NEGR1: variants seen among roughly 807,000 people sequenced by gnomAD.
The protein encoded by NEGR1 is neuronal growth regulator 1.
NEGR1 carries 10 observed loss-of-function variants against 40.9 expected under a neutral mutation model. That is an observed-to-expected ratio of 0.24 (90% CI 0.15 to 0.42). NEGR1 has a LOEUF of 0.42. NEGR1 is among the 10% of genes least tolerant of loss of function. The pLI is 1.00. For missense variants in NEGR1, 352 were observed against 438.9 expected (o/e 0.80, Z 1.77); for synonymous variants, 185 against 166.8 (o/e 1.11, Z -0.84).
chr1:71,972,768 G>A (rs1160771492), intron 1 of NEGR1, among the ~76,000 whole-genome samples: 2 of 152,080 alleles, frequency 1.3e-5, no homozygotes, highest in Non-Finnish European at 2.9e-5. Context: ...TAATTTATGA[G>A]GTAGAACTGA....
At chr1:71,787,934 T>C (rs780050660) in intron 2 of NEGR1, among the ~76,000 whole-genome samples, 19 of 152,188 alleles carry the variant, frequency 1.2e-4, no homozygotes, top group Non-Finnish European at 2.2e-4. Flanking sequence ...ATCACACTAA[T>C]GTGTGGTTTC....
chr1:72,256,228 G>C (rs763484707), intron 1 of NEGR1, among the ~76,000 whole-genome samples: 2 of 152,174 alleles, frequency 1.3e-5, no homozygotes, highest in Non-Finnish European at 2.9e-5. Context: ...ACTGAAGAGA[G>C]TTCACCAGAT....
intron 1 of NEGR1, among the ~76,000 whole-genome samples, chr1:72,057,302 A>C (rs115353698): frequency 0.011 from 1,716 of 151,612 alleles, 31 homozygotes; most frequent in African/African-American, 0.039. Context: ...TTAAATCCAA[A>C]CTTAATTTTT....
chr1:71,471,207 G>T (rs562217243), intron 6 of NEGR1, among the ~76,000 whole-genome samples: 1 of 152,090 alleles, frequency 6.6e-6, no homozygotes, highest in Non-Finnish European at 1.5e-5. Flanking sequence ...GTTCATTACA[G>T]GAACACATCA....
Position 71,405,751 on chromosome 1 carries a change from A to G in NEGR1, c.*1695T>C, listed in dbSNP as rs1366854189. 3 of 151,706 alleles carry G rather than the reference A, an allele frequency of 2.0e-5. No homozygotes were observed. The highest frequency in any genetic ancestry group is 4.4e-5 in the Non-Finnish European group (3 of 67,644). The allele number at this position is 151,706 out of a possible 1,614,324, so 9.4% of individuals were successfully genotyped here. On this transcript the variant is annotated 3_prime_UTR_variant, in exon 7 of 7. Coordinates refer to ENST00000357731, the MANE Select transcript of NEGR1 (RefSeq NM_173808.3). ...GGGCAACATACTAGATATCTCAAAT[A>G]TGTATAACCACTGCAAAATTTCTTG...
At chr1:71,583,861 G>T (rs1054085694) in intron 6 of NEGR1, among the ~76,000 whole-genome samples, 1 of 152,156 alleles carries the variant, frequency 6.6e-6, no homozygotes, top group Non-Finnish European at 1.5e-5. Context: ...TAATTAAGCA[G>T]CTCCACATAT....
intron 1 of NEGR1, among the ~76,000 whole-genome samples, chr1:72,121,274 C>T (rs891360226): frequency 6.6e-6 from 1 of 151,930 alleles, no homozygotes; most frequent in African/African-American, 2.4e-5. Context: ...TATCACTGAA[C>T]ATTTTAAAAA....
intron 2 of NEGR1, among the ~76,000 whole-genome samples, chr1:71,922,433 C>T (rs988271236): frequency 6.6e-6 from 1 of 152,282 alleles, no homozygotes; most frequent in East Asian, 1.9e-4. Context: ...AAAATGAGTG[C>T]ATAATATCTT....
chr1:72,084,875 A>C (rs561079190), intron 1 of NEGR1, among the ~76,000 whole-genome samples: 1 of 152,354 alleles, frequency 6.6e-6, no homozygotes, highest in African/African-American at 2.4e-5. Context: ...AAGATTACAA[A>C]GTGATAATGC....
intron 3 of NEGR1, among the ~76,000 whole-genome samples, chr1:71,744,558 C>A (rs1215853137): frequency 6.6e-6 from 1 of 151,846 alleles, no homozygotes; most frequent in African/African-American, 2.4e-5. Context: ...ACTCAGTTCC[C>A]TTTTAAGATC....
At chr1:71,613,770 TAAC>T (rs900507009) in intron 4 of NEGR1, among the ~76,000 whole-genome samples, 15 of 152,126 alleles carry the variant, frequency 9.9e-5, no homozygotes, top group African/African-American at 3.4e-4. Flanking sequence ...ATATTTCAAA[TAAC>T]ACTATAGAAA....
intron 1 of NEGR1, among the ~76,000 whole-genome samples, chr1:72,095,975 CT>C (rs34825158): frequency 4.6e-5 from 7 of 151,768 alleles, no homozygotes; most frequent in Admixed American, 2.0e-4. Context: ...TAAATATTTC[CT>C]TTTTTTTAAG....
chr1:72,157,396 A>G, intron 1 of NEGR1, among the ~76,000 whole-genome samples: 1 of 152,220 alleles, frequency 6.6e-6, no homozygotes, highest in East Asian at 1.9e-4. Context: ...TACATTTAGT[A>G]TAAATGTTAA....
chr1:72,194,132 A>G (rs1163592054), intron 1 of NEGR1, among the ~76,000 whole-genome samples: 1 of 151,898 alleles, frequency 6.6e-6, no homozygotes, highest in Non-Finnish European at 1.5e-5. Flanking sequence ...GAATTTACAG[A>G]AAGGATTTGA....
chr1:71,970,128 A>G (rs1269403704), intron 1 of NEGR1, among the ~76,000 whole-genome samples: 1 of 152,134 alleles, frequency 6.6e-6, no homozygotes, highest in Non-Finnish European at 1.5e-5. Context: ...GCAAGGTGAG[A>G]CCAGAAGAAC....
At chr1:72,203,907 T>C (rs1250846450) in intron 1 of NEGR1, among the ~76,000 whole-genome samples, 2 of 152,118 alleles carry the variant, frequency 1.3e-5, no homozygotes, top group East Asian at 1.9e-4. Flanking sequence ...AATTAATAAA[T>C]ATTCAAGTAT....
chr1:71,474,410 C>T (rs1187426192), intron 6 of NEGR1, among the ~76,000 whole-genome samples: 4 of 150,990 alleles, frequency 2.6e-5, no homozygotes, highest in Admixed American at 6.6e-5. Flanking sequence ...GGGTGGCTCA[C>T]GCCTGTAATA....
At chr1:71,512,673 C>G (rs1164720713) in intron 6 of NEGR1, among the ~76,000 whole-genome samples, 1 of 151,544 alleles carries the variant, frequency 6.6e-6, no homozygotes, top group East Asian at 1.9e-4. Context: ...ACCTGTGCCT[C>G]CCAGGTTCAA....
chr1:71,401,481 G>C lies in NEGR1; in HGVS notation c.*5965C>G, dbSNP rs552090228. 1 of 152,196 alleles carries C rather than the reference G, an allele frequency of 6.6e-6. No homozygotes were observed. The highest frequency in any genetic ancestry group is 1.9e-4 in the East Asian group (1 of 5,182). 9.4% of individuals were successfully genotyped at this position (152,196 alleles called of 1,614,324 possible). A position where few individuals can be genotyped will look rare whatever the true frequency, so the allele number is the denominator to read the frequency against. On this transcript the variant is annotated 3_prime_UTR_variant, in exon 7 of 7. Coordinates refer to ENST00000357731, the MANE Select transcript of NEGR1 (RefSeq NM_173808.3). ...CTAAGTGGTGATATCCATAGGATTT[G>C]TATTATATTCATATTTTGAAAACAA... is the stretch of plus-strand genomic sequence containing the variant.
Sources: gnomAD v4.1 joint callset for allele counts (sites outside exome capture counted in the v4.1 genomes callset) on GRCh38, gnomAD v4.1.1 for gene constraint, MANE v1.5 for transcripts, NCBI Gene and HGNC (gene_info 2026-07-23, HGNC 2026-07-21) for gene names.